AASDH: variants seen among roughly 807,000 people sequenced by gnomAD.
AASDH encodes the protein aminoadipate-semialdehyde dehydrogenase.
A neutral mutation model predicts 102.3 loss-of-function variants in AASDH; 81 were observed. The ratio of observed to expected loss-of-function variants is 0.79; its 90% CI spans 0.66 to 0.95. The LOEUF (loss-of-function observed/expected upper bound fraction) is 0.95, where lower values mean the gene tolerates loss of function less well. Ranked by LOEUF, AASDH falls within the 40% of genes least tolerant of loss-of-function variation. The pLI is 0.00. For missense variants in AASDH, 1,203 were observed against 1,266.2 expected, an observed-to-expected ratio of 0.95 and a Z score of 0.76; for synonymous variants, 398 against 454.0, an observed-to-expected ratio of 0.88 and a Z score of 1.57.
intron 11 of AASDH, among the ~76,000 whole-genome samples, chr4:56,347,111 C>T (rs1249110179): frequency 1.3e-5 from 2 of 150,960 alleles, no homozygotes; most frequent in Non-Finnish European, 1.5e-5. Context: ...CAATAAAATT[C>T]CACTCATGAT....
intron 6 of AASDH, 65 bp downstream of exon 6, chr4:56,355,117 G>A (rs934618298): frequency 2.6e-6 from 4 of 1,519,772 alleles, no homozygotes; most frequent in South Asian, 1.3e-5. Flanking sequence ...CAAAAACACT[G>A]TCAGTGTTAA....
Position 56,351,408 on chromosome 4 carries a change from G to T in AASDH, c.1626C>A (p.Asn542Lys). The change falls in exon 10 of 15, where the codon AAC (asparagine) becomes AAA (lysine). Residue 542 changes from asparagine (N) to lysine (K), a missense_variant. By Grantham distance (94) the Asn-to-Lys change is moderately conservative. Coordinates refer to ENST00000205214, the MANE Select transcript of AASDH (RefSeq NM_181806.4). The part of the protein sequence containing the change: ...ELNKIYLNYI[N>K]LKSENKLSGK... ...CACTGAGCTTATTCTCAGACTTCAAGTTTATGTAGTTTAAATATATCTTGT... is the reference window on the plus strand; with the variant it reads ...CACTGAGCTTATTCTCAGACTTCAATTTTATGTAGTTTAAATATATCTTGT... The T allele has an allele frequency of 6.2e-7, 1 of 1,603,570 alleles. No homozygotes were observed. The highest frequency in any genetic ancestry group is 8.5e-7 in the Non-Finnish European group (1 of 1,172,878).
intron 1 of AASDH, 77 bp from the exon 2 acceptor site, chr4:56,384,418 C>A (rs1007023932): frequency 6.1e-6 from 4 of 657,896 alleles, no homozygotes; most frequent in Non-Finnish European, 1.0e-5. Flanking sequence ...AACTTCTCTA[C>A]AATAATATCT....
At chr4:56,357,460 T>C (rs1749763611) in intron 5 of AASDH, among the ~76,000 whole-genome samples, 1 of 152,124 alleles carries the variant, frequency 6.6e-6, no homozygotes, top group Non-Finnish European at 1.5e-5. Context: ...TTTCAACATA[T>C]GAATTCTGGA....
chr4:56,363,676 G>A (rs1750611133), intron 5 of AASDH, among the ~76,000 whole-genome samples: 1 of 152,078 alleles, frequency 6.6e-6, no homozygotes, highest in African/African-American at 2.4e-5. Flanking sequence ...CTGTTGGAAG[G>A]AAAACTAACA....
chr4:56,349,245 TC>T lies in AASDH; in HGVS notation c.2488+17del. On this transcript the variant is annotated intron_variant, in intron 11 of 14. Transcript: ENST00000205214. ...GTAATTCAATTTAACTCCACAAACC[TC>T]AAATTCAAAAACTTACCCACCACAA... The T allele has an allele frequency of 6.2e-7, 1 of 1,610,834 alleles. No homozygotes were observed. The highest frequency in any genetic ancestry group is 8.5e-7 in the Non-Finnish European group (1 of 1,178,132).
chr4:56,343,452 G>T, intron 13 of AASDH, 110 bp downstream of exon 13: 2 of 743,502 alleles, frequency 2.7e-6, no homozygotes, highest in Non-Finnish European at 4.2e-6. Flanking sequence ...TTTGGTGTAT[G>T]TGGACTACTA....
At chr4:56,383,152 G>T (rs1485400866) in intron 2 of AASDH, among the ~76,000 whole-genome samples, 2 of 137,064 alleles carry the variant, frequency 1.5e-5, no homozygotes, top group African/African-American at 5.2e-5. Flanking sequence ...TTAATATAGA[G>T]AAATACAAGA....
At chr4:56,378,934 A>T (rs981060809) in intron 3 of AASDH, among the ~76,000 whole-genome samples, 28 of 151,402 alleles carry the variant, frequency 1.8e-4, no homozygotes, top group Admixed American at 1.8e-3. Context: ...TCCAGGCTGG[A>T]GTGCAGTGGC....
intron 12 of AASDH, 32 bp from the exon 13 acceptor site, chr4:56,343,716 T>C (rs200399564): frequency 2.5e-6 from 4 of 1,586,602 alleles, no homozygotes; most frequent in East Asian, 2.3e-5. Context: ...AATTTGTTCT[T>C]GTTGATGGTT....
Position 56,349,857 on chromosome 4 carries a change from G to A in AASDH, c.1894C>T (p.Pro632Ser). Residue 632 changes from proline (P) to serine (S), a missense_variant, in exon 11 of 15, where the codon CCA (proline) becomes TCA (serine). By Grantham distance (74) the Pro-to-Ser change is moderately conservative. Coordinates refer to ENST00000205214, the MANE Select transcript of AASDH (RefSeq NM_181806.4). The part of the protein sequence containing the change: ...IYNHILQTVV[P>S]DEDVTFRKSC... ...TTCCTGAATGTCACATCTTCATCTG[G>A]AACCACTGTTTGAAGGATGTGATTA... 3 of 1,614,136 alleles carry A rather than the reference G, an allele frequency of 1.9e-6. No individual in the cohort carries two copies. Among genetic ancestry groups the A allele is most frequent in the Non-Finnish European group, 2.5e-6 (3 of 1,180,032 alleles).
chr4:56,357,629 AAATTATATATAT>A (rs1387362835), intron 5 of AASDH, among the ~76,000 whole-genome samples: 4 of 149,276 alleles, frequency 2.7e-5, no homozygotes, highest in Non-Finnish European at 5.9e-5. Flanking sequence ...CCATTAATAT[AAATTATATATAT>A]AATTATATAT....
intron 5 of AASDH, among the ~76,000 whole-genome samples, chr4:56,363,868 C>T (rs937753706): frequency 6.6e-6 from 1 of 152,124 alleles, no homozygotes; most frequent in Non-Finnish European, 1.5e-5. Flanking sequence ...CAAAGCTGGA[C>T]AGAGAATGAC....
At chr4:56,359,234 T>C (rs1202200497) in intron 5 of AASDH, among the ~76,000 whole-genome samples, 2 of 151,990 alleles carry the variant, frequency 1.3e-5, no homozygotes, top group Non-Finnish European at 2.9e-5. Context: ...AAAAAATATA[T>C]GTTCTTCTTT....
In AASDH at chr4:56,349,823, GCACAACTCTTCCTGAATGT is replaced by G; in HGVS notation, c.1909_1927del (p.Thr637ProfsTer25). 6.2e-7 allele frequency: 1 copy of G among 1,614,076 alleles called. No homozygotes were observed. The highest frequency in any genetic ancestry group is 8.5e-7 in the Non-Finnish European group (1 of 1,180,000). ...AATGTCGCTGAGTTTCCTTTTTGTG[GCACAACTCTTCCTGAATGT>G]CACATCTTCATCTGGAACCACTGTT... On this transcript the variant is annotated frameshift_variant, in exon 11 of 15. Coordinates refer to ENST00000205214, the MANE Select transcript of AASDH (RefSeq NM_181806.4). LOFTEE classifies it high-confidence loss of function.
In AASDH at chr4:56,378,212, T is replaced by C. The variant is rs1752571545; in HGVS notation, c.604A>G (p.Thr202Ala). Residue 202 changes from threonine (T) to alanine (A), a missense_variant, in exon 4 of 15, where the codon ACA becomes GCA. Coordinates refer to ENST00000205214, the MANE Select transcript of AASDH (RefSeq NM_181806.4). ...LAYVLHTSGTTGIPKIVRVPH... is the reference protein window; with the variant it reads ...LAYVLHTSGTAGIPKIVRVPH... ...ACTCTGACAATCTTCGGTATCCCTG[T>C]AGTCCCTGATGTATGTAGAACATAG... 3 of 1,613,936 alleles carry C rather than the reference T, an allele frequency of 1.9e-6. No individual in the cohort carries two copies. The highest frequency in any genetic ancestry group is 2.5e-6 in the Non-Finnish European group (3 of 1,180,002).
intron 5 of AASDH, among the ~76,000 whole-genome samples, chr4:56,363,068 G>A (rs1183844194): frequency 1.3e-5 from 2 of 152,256 alleles, no homozygotes; most frequent in African/African-American, 2.4e-5. Context: ...GGCACACCAG[G>A]AGATTATATC....
At chr4:56,368,459 G>C (rs890856647) in intron 5 of AASDH, among the ~76,000 whole-genome samples, 14 of 151,968 alleles carry the variant, frequency 9.2e-5, no homozygotes, top group African/African-American at 2.9e-4. Flanking sequence ...GCAAAGACTT[G>C]GAAGCAACCC....
intron 5 of AASDH, chr4:56,356,483 G>A (rs1749654730): frequency 1.4e-6 from 2 of 1,473,612 alleles, no homozygotes; most frequent in Non-Finnish European, 1.9e-6. Flanking sequence ...TGTTGACCTG[G>A]GCTGAGAAGA....
Sources: allele counts gnomAD v4.1 joint callset (sites outside exome capture counted in the v4.1 genomes callset), GRCh38; gene constraint gnomAD v4.1.1; transcripts MANE v1.5; gene names NCBI Gene and HGNC (gene_info 2026-07-23, HGNC 2026-07-21).